ATRNL1: variants seen among roughly 807,000 people sequenced by gnomAD.
The protein encoded by ATRNL1 is attractin-like protein 1.
A neutral mutation model predicts 182.7 loss-of-function variants in ATRNL1; 95 were observed. That is an observed-to-expected ratio of 0.52 (90% confidence interval 0.44 to 0.62). ATRNL1 has a LOEUF of 0.62. Among genes scored for constraint, ATRNL1 ranks in the 20% least tolerant of loss-of-function variants. The pLI is 0.00. For synonymous variants in ATRNL1, 576 were observed against 568.3 expected (o/e 1.01, Z -0.19); for missense variants, 1,471 against 1,679.5 (o/e 0.88, Z 2.17).
chr10:115,830,091 G>A (rs1555093152), intron 27 of ATRNL1, among the ~76,000 whole-genome samples: 2 of 152,202 alleles, frequency 1.3e-5, no homozygotes, highest in Non-Finnish European at 2.9e-5. Flanking sequence ...AAAGTCTGCA[G>A]TTCTAGCTGC....
intron 1 of ATRNL1, among the ~76,000 whole-genome samples, chr10:115,105,251 G>T (rs1349063898): frequency 1.3e-5 from 2 of 151,882 alleles, no homozygotes; most frequent in Non-Finnish European, 2.9e-5. Context: ...CTGCCTAGAG[G>T]TTTGTGGAAC....
intron 10 of ATRNL1, among the ~76,000 whole-genome samples, chr10:115,252,418 A>C (rs2133846251): frequency 6.6e-6 from 1 of 152,320 alleles, no homozygotes; most frequent in Admixed American, 6.5e-5. Context: ...ACCCAACCCA[A>C]GTTATAGGCC....
intron 19 of ATRNL1, among the ~76,000 whole-genome samples, chr10:115,368,823 C>G (rs11595944): frequency 6.6e-6 from 1 of 151,698 alleles, no homozygotes; most frequent in Admixed American, 6.6e-5. Context: ...AAGTGATTCT[C>G]CTGCCTGAGC....
At chr10:115,184,391 T>C (rs1847860633) in intron 8 of ATRNL1, among the ~76,000 whole-genome samples, 1 of 151,280 alleles carries the variant, frequency 6.6e-6, no homozygotes, top group African/African-American at 2.4e-5. Context: ...CACACAACTA[T>C]GTATATAACT....
intron 10 of ATRNL1, among the ~76,000 whole-genome samples, chr10:115,242,657 T>A (rs187811739): frequency 1.2e-3 from 185 of 152,176 alleles, no homozygotes; most frequent in African/African-American, 4.2e-3. Flanking sequence ...TTTGGTAAAT[T>A]ATTTCAAGTA....
At chr10:115,713,158 T>C (rs929521032) in intron 26 of ATRNL1, among the ~76,000 whole-genome samples, 10 of 152,256 alleles carry the variant, frequency 6.6e-5, no homozygotes, top group Admixed American at 2.0e-4. Flanking sequence ...TCAGAGACAA[T>C]CTAAGACCAC....
At chr10:115,895,645 G>A (rs1952187741) in intron 28 of ATRNL1, among the ~76,000 whole-genome samples, 1 of 152,182 alleles carries the variant, frequency 6.6e-6, no homozygotes. Context: ...CTGAATTCCA[G>A]GGATATAAAA....
At chr10:115,814,609 T>C (rs1463866676) in intron 27 of ATRNL1, among the ~76,000 whole-genome samples, 1 of 150,080 alleles carries the variant, frequency 6.7e-6, no homozygotes, top group Non-Finnish European at 1.5e-5. Context: ...AGACTAAATG[T>C]TTTTTTCCTA....
chr10:115,712,704 C>A (rs1350902840), intron 26 of ATRNL1, among the ~76,000 whole-genome samples: 1 of 151,852 alleles, frequency 6.6e-6, no homozygotes, highest in Non-Finnish European at 1.5e-5. Flanking sequence ...ACTGTCTCTA[C>A]TAAAAGTACA....
rs1460399658 is a variant in ATRNL1 at position 115,421,074 on chromosome 10, GTTCAGGACCTGACAGC to G, written c.3270-5171_3270-5156del. ...AAAACAAAGACTCCTATCAAAAAAAGTTCAGGACCTGACAGCTTCATTGCTAAATTCTAGCAAATAT... is the reference window on the plus strand; with the variant it reads ...AAAACAAAGACTCCTATCAAAAAAAGTTCATTGCTAAATTCTAGCAAATAT... On this transcript the variant is annotated intron_variant, in intron 20 of 28. Coordinates refer to ENST00000355044, the MANE Select transcript of ATRNL1 (RefSeq NM_207303.4). 2.0e-5 allele frequency among the ~76,000 whole-genome samples: 3 copies of G among 152,210 alleles called. No homozygotes were observed. The East Asian group carries it at 5.8e-4, about 29-fold the overall frequency.
At chr10:115,224,243 C>T (rs1020960956) in intron 9 of ATRNL1, among the ~76,000 whole-genome samples, 15 of 151,778 alleles carry the variant, frequency 9.9e-5, no homozygotes, top group African/African-American at 1.4e-4. Context: ...CCAAAAAACC[C>T]TAGTATAATT....
intron 9 of ATRNL1, among the ~76,000 whole-genome samples, chr10:115,230,923 A>C (rs1253207197): frequency 6.4e-5 from 5 of 77,530 alleles, no homozygotes; most frequent in East Asian, 4.3e-4. Context: ...GAGAGAGAGA[A>C]AGAGAGAAAT....
chr10:115,913,521 A>G (rs1314643671), intron 28 of ATRNL1, among the ~76,000 whole-genome samples: 1 of 152,230 alleles, frequency 6.6e-6, no homozygotes. Flanking sequence ...CCTCATAGGG[A>G]TGGTGAGCTT....
intron 26 of ATRNL1, among the ~76,000 whole-genome samples, chr10:115,677,675 A>G (rs567047098): frequency 6.6e-6 from 1 of 152,186 alleles, no homozygotes; most frequent in Non-Finnish European, 1.5e-5. Context: ...TGGGACTGTA[A>G]GTCCAATTAA....
rs148131443 is a variant in ATRNL1, at chr10:115,197,116, C to T, written c.1349-18581C>T. Among the ~76,000 whole-genome samples, 32 of 151,140 alleles carry T rather than the reference C, an allele frequency of 2.1e-4. 1 individual carries two copies. The East Asian group carries it at 6.2e-3, about 29-fold the overall frequency. On this transcript the variant is annotated intron_variant, in intron 8 of 28. Transcript: ENST00000355044. ...ATTTCCTCGAAATAGTTTTTTTTTC[C>T]ACATCTTTTGAGAAAAACTTTTGTT...
chr10:115,419,604 C>G (rs961389533), intron 20 of ATRNL1, among the ~76,000 whole-genome samples: 5 of 151,866 alleles, frequency 3.3e-5, no homozygotes, highest in Non-Finnish European at 5.9e-5. Flanking sequence ...AAATGGAACC[C>G]CAAAAAGAAC....
chr10:115,788,412 G>C (rs1373816851), intron 27 of ATRNL1, among the ~76,000 whole-genome samples: 1 of 147,438 alleles, frequency 6.8e-6, no homozygotes, highest in African/African-American at 2.7e-5. Context: ...CTCAACTTCT[G>C]TTCAGTTTTC....
chr10:115,345,280 G>A (rs1419122923), intron 19 of ATRNL1, among the ~76,000 whole-genome samples: 1 of 152,234 alleles, frequency 6.6e-6, no homozygotes, highest in African/African-American at 2.4e-5. Flanking sequence ...AGTTCAGACT[G>A]CTAGGATTGG....
chr10:115,533,815 G>A lies in ATRNL1; in HGVS notation c.3716+14491G>A, dbSNP rs528121997. Among the ~76,000 whole-genome samples the A allele has an allele frequency of 4.0e-3, 571 of 141,190 alleles. 1 individual carries two copies. Among genetic ancestry groups the A allele is most frequent in the African/African-American group, 0.013 (497 of 38,422 alleles). 92.6% of individuals were successfully genotyped at this position (141,190 alleles called of 152,430 possible). On this transcript the variant is annotated intron_variant, in intron 25 of 28. Coordinates refer to ENST00000355044, the MANE Select transcript of ATRNL1 (RefSeq NM_207303.4). Reference sequence around the variant, plus strand: ...TCTGGTATGTTGTGTCTTTGTTCTCGTTGGTTTCAAAAAACATCTTTATTT... The same window carrying A: ...TCTGGTATGTTGTGTCTTTGTTCTCATTGGTTTCAAAAAACATCTTTATTT...
Sources: allele counts gnomAD v4.1 joint callset (sites outside exome capture counted in the v4.1 genomes callset), GRCh38; gene constraint gnomAD v4.1.1; transcripts MANE v1.5; gene names NCBI Gene and HGNC (gene_info 2026-07-23, HGNC 2026-07-21).